SLC38A6: variants seen among roughly 807,000 people sequenced by gnomAD.
SLC38A6 encodes the protein solute carrier family 38 member 6, also known as N system amino acid transporter NAT-1.
In SLC38A6, 73 loss-of-function variants were observed where a neutral mutation model predicts 65.0. The observed-to-expected ratio is 1.12, with a 90% CI of 0.93 to 1.37. The LOEUF is 1.37. Among genes scored for constraint, SLC38A6 ranks in the 40% most tolerant of loss-of-function variants. The pLI, the probability that SLC38A6 is intolerant of heterozygous loss-of-function variation, is 0.00. For synonymous variants in SLC38A6, 183 were observed against 178.8 expected, an observed-to-expected ratio of 1.02 and a Z score of -0.19; for missense variants, 561 against 531.1, an observed-to-expected ratio of 1.06 and a Z score of -0.55.
intron 15 of SLC38A6, among the ~76,000 whole-genome samples, chr14:61,064,431 A>G (rs1242930264): frequency 6.6e-6 from 1 of 151,922 alleles, no homozygotes; most frequent in Non-Finnish European, 1.5e-5. Flanking sequence ...CAATTAATAC[A>G]TTTGTCACCT....
At chr14:61,081,661 G>A (rs1445344859) in intron 16 of SLC38A6, among the ~76,000 whole-genome samples, 1 of 152,076 alleles carries the variant, frequency 6.6e-6, no homozygotes, top group Non-Finnish European at 1.5e-5. Flanking sequence ...TCCAGCCTGG[G>A]CGACAGAGCG....
chr14:61,070,846 A>G (rs1311678870), intron 15 of SLC38A6, among the ~76,000 whole-genome samples: 2 of 152,090 alleles, frequency 1.3e-5, no homozygotes, highest in East Asian at 1.9e-4. Context: ...GGTCGTTTGT[A>G]TGTCTTTGGG....
chr14:61,068,143 A>G (rs1383991957), intron 15 of SLC38A6, among the ~76,000 whole-genome samples: 3 of 152,028 alleles, frequency 2.0e-5, no homozygotes, highest in Admixed American at 2.0e-4. Context: ...GTTGCTTCAG[A>G]ACATTTCTGC....
rs550308528 is a variant in SLC38A6, at chr14:61,010,909, A to G, written c.311-4995A>G. 6.6e-5 allele frequency among the ~76,000 whole-genome samples: 10 copies of G among 152,216 alleles called. No individual in the cohort carries two copies. In the East Asian group the frequency reaches 1.3e-3, roughly 21 times the overall value. On this transcript the variant is annotated intron_variant, in intron 3 of 15. Transcript: ENST00000267488. ...ATGAACTTTAAAGTAGTTTTTTCCA[A>G]TTCTGTGAAGAAAGTCATTGGTAGC...
At chr14:61,040,123 A>G (rs2041699650) in intron 8 of SLC38A6, among the ~76,000 whole-genome samples, 2 of 152,016 alleles carry the variant, frequency 1.3e-5, no homozygotes, top group South Asian at 4.1e-4. Context: ...TTAAGTACAG[A>G]TTAGTATTCT....
At chr14:61,005,748 C>G (rs956572944) in intron 3 of SLC38A6, among the ~76,000 whole-genome samples, 7 of 152,066 alleles carry the variant, frequency 4.6e-5, no homozygotes, top group African/African-American at 7.3e-5. Flanking sequence ...ATGAAAATCG[C>G]CATACTGCCC....
chr14:61,051,449 G>GT (rs1004598566), intron 13 of SLC38A6, among the ~76,000 whole-genome samples: 3 of 151,878 alleles, frequency 2.0e-5, no homozygotes, highest in South Asian at 4.2e-4. Flanking sequence ...TAAATTGTCT[G>GT]TTTTTTTAAT....
intron 3 of SLC38A6, among the ~76,000 whole-genome samples, chr14:61,012,837 G>T (rs1314598745): frequency 3.3e-5 from 5 of 152,162 alleles, no homozygotes. Context: ...GTGTGGTGTG[G>T]TGCTGAAAAG....
chr14:60,982,699 AGAGAGATAGAT>A, intron 2 of SLC38A6, 61 bp downstream of exon 2: 1 of 1,511,002 alleles, frequency 6.6e-7, no homozygotes, highest in Non-Finnish European at 8.9e-7. Flanking sequence ...ACGGAGAAGT[AGAGAGATAGAT>A]TCCAGAAGCT....
rs772238135 is a variant in SLC38A6, at chr14:61,015,949, C to T, written c.356C>T (p.Pro119Leu). 7.5e-6 allele frequency: 12 copies of T among 1,605,050 alleles called. No individual in the cohort carries two copies. The highest frequency in any genetic ancestry group is 1.0e-5 in the Non-Finnish European group (12 of 1,177,596). The change falls in exon 4 of 16, where the codon CCT (proline) becomes CTT (leucine). Residue 119 changes from proline (P) to leucine (L), a missense_variant. Coordinates refer to ENST00000267488, the MANE Select transcript of SLC38A6 (RefSeq NM_153811.3). ...EDLGLFAFGLPGKLVVAGTII... is the reference protein window; with the variant it reads ...EDLGLFAFGLLGKLVVAGTII... ...CTTGGACTCTTTGCATTTGGATTAC[C>T]TGGAAAGGTAATTTTTTTTCCTCCT...
chr14:61,013,525 G>A (rs1343791665), intron 3 of SLC38A6, among the ~76,000 whole-genome samples: 1 of 152,174 alleles, frequency 6.6e-6, no homozygotes, highest in Non-Finnish European at 1.5e-5. Flanking sequence ...ACTGGTACTG[G>A]TTGTTCCTTT....
chr14:61,073,436 G>T (rs1009896244), intron 15 of SLC38A6, among the ~76,000 whole-genome samples: 1 of 152,056 alleles, frequency 6.6e-6, no homozygotes, highest in Non-Finnish European at 1.5e-5. Flanking sequence ...AAATTTCAAC[G>T]TGAGTTTTGG....
intron 3 of SLC38A6, among the ~76,000 whole-genome samples, chr14:60,991,475 G>A (rs1290025190): frequency 6.6e-6 from 1 of 152,058 alleles, no homozygotes; most frequent in Non-Finnish European, 1.5e-5. Flanking sequence ...AAAGTAACTT[G>A]TCCAAGAGAG....
At position 61,045,344 on chromosome 14, in the gene SLC38A6, A is replaced by G. The variant is rs756670398; in HGVS notation, c.745-2A>G. On this transcript the variant is annotated splice_acceptor_variant, in intron 10 of 15. Transcript: ENST00000267488. LOFTEE classifies it high-confidence loss of function. The stretch of plus-strand genomic sequence containing the variant: ...ATTTTGTCTCTTTAAAATTTTTTTC[A>G]GAGTGCTTATGCCTTACCAACCATG... 36 of 1,609,198 alleles carry G rather than the reference A, an allele frequency of 2.2e-5. 1 individual carries two copies. The highest frequency in any genetic ancestry group is 2.9e-5 in the Non-Finnish European group (34 of 1,177,898).
intron 12 of SLC38A6, among the ~76,000 whole-genome samples, chr14:61,046,882 G>C (rs966996449): frequency 2.0e-5 from 3 of 152,148 alleles, no homozygotes; most frequent in African/African-American, 7.2e-5. Context: ...TGCTAGAGAC[G>C]CTACAAAGAA....
At chr14:61,007,856 G>T (rs908746525) in intron 3 of SLC38A6, among the ~76,000 whole-genome samples, 2 of 151,982 alleles carry the variant, frequency 1.3e-5, no homozygotes, top group African/African-American at 2.4e-5. Context: ...TATAAGGAAT[G>T]TTGCCCATGT....
intron 6 of SLC38A6, among the ~76,000 whole-genome samples, chr14:61,035,315 G>A (rs986010004): frequency 1.3e-5 from 2 of 151,888 alleles, no homozygotes; most frequent in African/African-American, 2.4e-5. Context: ...TGAATTTTTC[G>A]CAAAAGCTTT....
chr14:60,984,579 ATCT>A (rs1458703210), intron 2 of SLC38A6, 148 bp from the exon 3 acceptor site: 24 of 514,506 alleles, frequency 4.7e-5, no homozygotes, highest in Admixed American at 9.6e-5. Context: ...GTAGAAAAGT[ATCT>A]TCTTAATTTC....
intron 3 of SLC38A6, chr14:61,004,460 A>G (rs912090747): frequency 6.6e-6 from 1 of 152,212 alleles, no homozygotes; most frequent in African/African-American, 2.4e-5. Flanking sequence ...AGAACGGAAA[A>G]GAGAGAAGAA....
Sources: allele counts gnomAD v4.1 joint callset (sites outside exome capture counted in the v4.1 genomes callset), GRCh38; gene constraint gnomAD v4.1.1; transcripts MANE v1.5; gene names NCBI Gene and HGNC (gene_info 2026-07-23, HGNC 2026-07-21).